Variants in AKR1C2 observed in about 807,000 individuals in gnomAD.
AKR1C2 encodes the protein 3-alpha-HSD3.
AKR1C2 carries 27 observed loss-of-function variants against 39.8 expected under a neutral mutation model. The ratio of observed to expected loss-of-function variants is 0.68; its 90% CI spans 0.50 to 0.93. The LOEUF (loss-of-function observed/expected upper bound fraction) is 0.93, where lower values mean the gene tolerates loss of function less well. Ranked by LOEUF, AKR1C2 falls within the 40% of genes least tolerant of loss-of-function variation. AKR1C2 has a pLI of 0.00. For missense variants in AKR1C2, 263 were observed against 365.1 expected (o/e 0.72, Z 2.28); for synonymous variants, 114 against 137.9 (o/e 0.83, Z 1.22).
At chr10:4,991,144 C>T (rs1836826784) in intron 8 of AKR1C2, among the ~76,000 whole-genome samples, 1 of 151,100 alleles carries the variant, frequency 6.6e-6, no homozygotes, top group Non-Finnish European at 1.5e-5. Context: ...AATAATGGTG[C>T]TTTTGCATCT....
chr10:4,992,630 A>G (rs1329786839), intron 7 of AKR1C2, among the ~76,000 whole-genome samples: 3 of 150,010 alleles, frequency 2.0e-5, no homozygotes, highest in African/African-American at 7.6e-5. Flanking sequence ...ACAAAATGAA[A>G]ATGAAAAGTT....
chr10:5,007,910 C>T (rs2398163), upstream of AKR1C2, among the ~76,000 whole-genome samples: 96,287 of 147,798 alleles, frequency 0.65, 31,642 homozygotes, highest in Non-Finnish European at 0.73. Context: ...GTCATAAAGC[C>T]GACAGGGCAG....
chr10:5,013,668 G>T (rs568505391), intron 1 of AKR1C2: 2 of 127,600 alleles, frequency 1.6e-5, no homozygotes, highest in Admixed American at 1.6e-4. Context: ...TCCTGGCTTT[G>T]TTATTTGTCA....
chr10:5,000,021 C>T, intron 3 of AKR1C2: 1 of 1,037,222 alleles, frequency 9.6e-7, no homozygotes, highest in Non-Finnish European at 1.2e-6. Context: ...ATGAATGACA[C>T]AAGAATTCAT....
At chr10:4,998,533 A>G in intron 5 of AKR1C2, 92 bp downstream of exon 5, 3 of 1,556,622 alleles carry the variant, frequency 1.9e-6, no homozygotes, top group South Asian at 2.5e-5. Flanking sequence ...CTCTTTTACA[A>G]AGATAAGTGG....
chr10:5,003,913 A>G (rs1837346545), upstream of AKR1C2: 2 of 1,307,116 alleles, frequency 1.5e-6, no homozygotes, highest in African/African-American at 2.9e-5. Context: ...AACGCCCCTG[A>G]GCACACTGTC....
intron 3 of AKR1C2, chr10:5,000,233 A>G (rs1159130947): frequency 1.4e-5 from 20 of 1,440,534 alleles, no homozygotes; most frequent in Middle Eastern, 2.6e-4. Flanking sequence ...GTGTCTGTGA[A>G]CATCCCAAGA....
At chr10:4,994,635 A>G (rs2801926) in intron 7 of AKR1C2, among the ~76,000 whole-genome samples, 46,530 of 150,330 alleles carry the variant, frequency 0.31, 7,714 homozygotes, top group East Asian at 0.62. Flanking sequence ...AGAGGGGGGC[A>G]CTCACACAGA....
upstream of AKR1C2, among the ~76,000 whole-genome samples, chr10:5,004,398 C>T (rs2131711814): frequency 6.6e-6 from 1 of 152,114 alleles, no homozygotes; most frequent in African/African-American, 2.4e-5. Context: ...TTCTTATTAG[C>T]CTTGTAAGAG....
Position 4,994,148 on chromosome 10 carries a change from T to C in AKR1C2, c.846+1171A>G, listed in dbSNP as rs182486544. 1.4e-3 allele frequency among the ~76,000 whole-genome samples: 216 copies of C among 151,836 alleles called. 1 individual carries two copies. In the Middle Eastern group the frequency reaches 0.021, roughly 15 times the overall value. On this transcript the variant is annotated intron_variant, in intron 7 of 8. Transcript: ENST00000380753. ...TATGACATAGGTTTTATAATATATA[T>C]CATACGTGATGTATATTTTATGTAT...
rs781934581 is a variant in AKR1C2, at chr10:5,003,762, G to A, written c.74C>T (p.Ala25Val). Residue 25 changes from alanine to valine, a missense_variant, in exon 1 of 9, where the codon GCG becomes GTG. By Grantham distance (64) the Ala-to-Val change is moderately conservative. Transcript: ENST00000380753. The stretch of plus-strand genomic sequence containing the variant: ...AAATATTATTGTTACCTCTGCAGGC[G>A]CATAGGTGCCAAATCCCAGGACAGG... ...FMPVLGFGTYAPAEVPKSKAL... is the reference protein window; with the variant it reads ...FMPVLGFGTYVPAEVPKSKAL... 1.7e-5 allele frequency: 28 copies of A among 1,613,606 alleles called. No individual in the cohort carries two copies. The highest frequency in any genetic ancestry group is 1.6e-4 in the Middle Eastern group (1 of 6,084).
chr10:5,007,096 G>A (rs1260815829), upstream of AKR1C2, among the ~76,000 whole-genome samples: 1 of 147,584 alleles, frequency 6.8e-6, no homozygotes, highest in Admixed American at 6.9e-5. Context: ...AAATTAGAAA[G>A]TTAGTAAGAC....
At chr10:5,016,643 G>A (rs1295441342) in intron 1 of AKR1C2, among the ~76,000 whole-genome samples, 27 of 152,166 alleles carry the variant, frequency 1.8e-4, no homozygotes, top group African/African-American at 6.5e-4. Context: ...AGCTTTCAGT[G>A]GATATACCAT....
intron 1 of AKR1C2, among the ~76,000 whole-genome samples, chr10:5,016,432 C>T (rs1433291403): frequency 2.6e-5 from 4 of 152,204 alleles, no homozygotes; most frequent in African/African-American, 9.7e-5. Context: ...GTCCAAAACC[C>T]AGAAAGGCAG....
chr10:4,993,875 T>A (rs1836925757), intron 7 of AKR1C2, among the ~76,000 whole-genome samples: 1 of 151,654 alleles, frequency 6.6e-6, no homozygotes, highest in Admixed American at 6.6e-5. Context: ...GTATAAATAC[T>A]GATAATTTCC....
At chr10:4,999,071 A>C (rs1554773501) in intron 4 of AKR1C2, 129 bp downstream of exon 4, 2 of 1,571,574 alleles carry the variant, frequency 1.3e-6, no homozygotes, top group Admixed American at 3.7e-5. Flanking sequence ...CTGCTCACAA[A>C]AACTACCTTT....
At chr10:4,993,722 C>T (rs1836919988) in intron 7 of AKR1C2, among the ~76,000 whole-genome samples, 3 of 151,596 alleles carry the variant, frequency 2.0e-5, no homozygotes, top group South Asian at 2.1e-4. Context: ...AGAATACATT[C>T]AAGTCTCTAA....
At chr10:5,003,185 C>G (rs1171242394) in intron 1 of AKR1C2, among the ~76,000 whole-genome samples, 2 of 149,816 alleles carry the variant, frequency 1.3e-5, no homozygotes, top group African/African-American at 4.9e-5. Context: ...AGAATTTAAA[C>G]TTTCCTTGTT....
At chr10:5,009,937 T>C (rs567581633) in intron 1 of AKR1C2, among the ~76,000 whole-genome samples, 7 of 143,070 alleles carry the variant, frequency 4.9e-5, no homozygotes, top group Non-Finnish European at 9.1e-5. Context: ...CATTCCCCCA[T>C]TCCGGCTCCC....
Sources: allele counts gnomAD v4.1 joint callset (sites outside exome capture counted in the v4.1 genomes callset), GRCh38; gene constraint gnomAD v4.1.1; transcripts MANE v1.5; gene names NCBI Gene and HGNC (gene_info 2026-07-23, HGNC 2026-07-21).